RIN1: variants seen among roughly 807,000 people sequenced by gnomAD.
RIN1 encodes the protein ras inhibitor 1.
Under a neutral mutation model 64.9 loss-of-function variants are expected in RIN1, and 52 were observed. The observed-to-expected ratio is 0.80, with a 90% confidence interval of 0.64 to 1.01. RIN1 has a LOEUF of 1.01. Among genes scored for constraint, RIN1 ranks in the 50% least tolerant of loss-of-function variants. The probability of loss-of-function intolerance (pLI) is 0.00; values close to 1 mark genes in which losing one functional copy is unlikely to be tolerated. For synonymous variants in RIN1, 486 were observed against 483.6 expected, an observed-to-expected ratio of 1.00 and a Z score of -0.06; for missense variants, 1,040 against 1,064.5, an observed-to-expected ratio of 0.98 and a Z score of 0.32.
intron 6 of RIN1, 67 bp downstream of exon 6, chr11:66,334,447 G>C: frequency 6.4e-7 from 1 of 1,556,504 alleles, no homozygotes; most frequent in Non-Finnish European, 8.7e-7. Flanking sequence ...CAGACAGGCT[G>C]GCGCTGTGGA....
chr11:66,334,788 T>C lies in RIN1; in HGVS notation c.1011A>G (p.Ser337=). ...VPGSRGSPAT[S]PHLGRRRPLL... is the part of the protein sequence containing the mutation. ...GAGGTCGTCGGCGGCCCAGGTGGGG[T>C]GAGGTCGCTGGGCTCCCCCGGGACC... Residue 337 remains serine (S), a synonymous_variant, in exon 6 of 10, where the codon TCA becomes TCG. Transcript: ENST00000311320. The C allele has an allele frequency of 1.3e-6, 2 of 1,547,552 alleles. No homozygotes were observed. The highest frequency in any genetic ancestry group is 1.7e-6 in the Non-Finnish European group (2 of 1,145,876).
In RIN1 at chr11:66,332,650, C is replaced by G. The variant is rs759699907; in HGVS notation, c.1978G>C (p.Ala660Pro). ...ASIATLNQLC[A>P]TKFRVTQPNT... ...GGCTGGGTCACTCGGAACTTGGTGG[C>G]ACAGAGCTGGTTCAGGGTGGCAATC... Residue 660 changes from alanine to proline, a missense_variant, in exon 10 of 10, where the codon GCC (alanine) becomes CCC (proline). Ala to Pro is a conservative substitution (Grantham distance 27, BLOSUM62 -1). Coordinates refer to ENST00000311320, the MANE Select transcript of RIN1 (RefSeq NM_004292.3). 5.0e-6 allele frequency: 8 copies of G among 1,594,894 alleles called. No individual in the cohort carries two copies. The South Asian group carries it at 9.1e-5, about 18-fold the overall frequency.
intron 9 of RIN1, chr11:66,332,955 G>T: frequency 1.6e-6 from 1 of 612,262 alleles, no homozygotes; most frequent in Non-Finnish European, 2.9e-6. Context: ...CAGCCCAGTG[G>T]GGCGCTCACA....
At position 66,335,849 on chromosome 11, in the gene RIN1, G is replaced by T. The variant is rs576392806; in HGVS notation, c.295C>A (p.Arg99Ser). 11 of 1,587,328 alleles carry T rather than the reference G, an allele frequency of 6.9e-6. No individual in the cohort carries two copies. The highest frequency in any genetic ancestry group is 3.4e-5 in the South Asian group (3 of 87,270). ...CGCATGCACAGGGCCTGGCACTGGC[G>T]GGTGTTAGATTTCCGCACGAGGAAC... ...GTFLVRKSNT[R>S]QCQALCMRLP... The change falls in exon 3 of 10, where the codon CGC becomes AGC. Residue 99 changes from arginine (R) to serine (S), a missense_variant. Coordinates refer to ENST00000311320, the MANE Select transcript of RIN1 (RefSeq NM_004292.3).
In RIN1 at chr11:66,336,113, C is replaced by A; in HGVS notation, c.132G>T (p.Gly44=). The stretch of plus-strand genomic sequence containing the variant: ...CCGGCCGCTGCGGCCCGCCTGCCTG[C>A]CCGCCGCTGGCATTGGGCACGTCAT... ...PLYDVPNASG[G]QAGGPQRPGR... The change falls in exon 2 of 10, where the codon GGG becomes GGT. Residue 44 remains glycine, a synonymous_variant. Transcript: ENST00000311320. 2 of 1,441,876 alleles carry A rather than the reference C, an allele frequency of 1.4e-6. No individual in the cohort carries two copies. Among genetic ancestry groups the A allele is most frequent in the Non-Finnish European group, 1.8e-6 (2 of 1,099,954 alleles). 89.3% of individuals were successfully genotyped at this position (1,441,876 alleles called of 1,614,324 possible). A position where few individuals can be genotyped will look rare whatever the true frequency, so the allele number is the denominator to read the frequency against.
Position 66,335,056 on chromosome 11 carries a change from C to A in RIN1, c.743G>T (p.Arg248Leu). The A allele has an allele frequency of 6.5e-7, 1 of 1,529,692 alleles. No homozygotes were observed. The highest frequency in any genetic ancestry group is 8.8e-7 in the Non-Finnish European group (1 of 1,141,140). The allele number at this position is 1,529,692 out of a possible 1,614,324, so 94.8% of individuals were successfully genotyped here. A position where few individuals can be genotyped will look rare whatever the true frequency, so the allele number is the denominator to read the frequency against. Reference sequence around the variant, plus strand: ...GGGGCTGGAGGTCTCTGTGGACACGCGCACTTTGAAGCTTCTCTTGAATTT... The same window carrying A: ...GGGGCTGGAGGTCTCTGTGGACACGAGCACTTTGAAGCTTCTCTTGAATTT... The part of the protein sequence containing the change: ...REKFKRSFKV[R>L]VSTETSSPLS... Residue 248 changes from arginine to leucine, a missense_variant, in exon 6 of 10, where the codon CGC (arginine) becomes CTC (leucine). Arg to Leu is a moderately radical substitution (Grantham distance 102, BLOSUM62 -2). Transcript: ENST00000311320.
rs1854734308 is a variant in RIN1, at chr11:66,331,477, A to G, written c.*799T>C. On this transcript the variant is annotated 3_prime_UTR_variant, in exon 10 of 10. Transcript: ENST00000311320. The stretch of plus-strand genomic sequence containing the variant: ...TGCTGGAGGGCCTGGGAGGACTCCA[A>G]ATCTTGGGGAGAGACTGTAACTTGG... 1.3e-5 allele frequency: 2 copies of G among 152,206 alleles called. No individual in the cohort carries two copies. The highest frequency in any genetic ancestry group is 2.4e-5 in the African/African-American group (1 of 41,436). 9.4% of individuals were successfully genotyped at this position (152,206 alleles called of 1,614,324 possible). A position where few individuals can be genotyped will look rare whatever the true frequency, so the allele number is the denominator to read the frequency against.
At chr11:66,336,294 G>A (rs982688894) in intron 1 of RIN1, 23 bp downstream of exon 1, 14 of 1,591,898 alleles carry the variant, frequency 8.8e-6, no homozygotes, top group Admixed American at 1.7e-5. Flanking sequence ...GCCCCACCTG[G>A]CTGCCCTGCC....
chr11:66,336,084 C>T lies in RIN1; in HGVS notation c.161G>A (p.Arg54His), dbSNP rs1023456411. The part of the protein sequence containing the change: ...GQAGGPQRPG[R>H]VVSLRERLLL... ...CAGGCGCTCCCGCAGGCTCACAACG[C>T]GCCCCGGCCGCTGCGGCCCGCCTGC... The change falls in exon 2 of 10, where the codon CGC (arginine) becomes CAC (histidine). Residue 54 changes from arginine to histidine, a missense_variant. Physicochemically the swap from Arg to His is conservative, Grantham distance 29. Transcript: ENST00000311320. 20 of 1,455,348 alleles carry T rather than the reference C, an allele frequency of 1.4e-5. No individual in the cohort carries two copies. The highest frequency in any genetic ancestry group is 7.0e-5 in the South Asian group (5 of 71,492). 90.2% of individuals were successfully genotyped at this position (1,455,348 alleles called of 1,614,324 possible). A position where few individuals can be genotyped will look rare whatever the true frequency, so the allele number is the denominator to read the frequency against.
chr11:66,334,591 C>T lies in RIN1; in HGVS notation c.1208G>A (p.Arg403His), dbSNP rs201132980. The T allele has an allele frequency of 6.3e-5, 100 of 1,584,340 alleles. No individual in the cohort carries two copies. The East Asian group carries it at 1.5e-3, about 23-fold the overall frequency. ...GGCCCGGGCCCGGCTCAGCGCCTGA[C>T]GGATGCCCTGCAGCTCCTGGGGCTC... ...GPEPQELQGI[R>H]QALSRARAML... The change falls in exon 6 of 10, where the codon CGT becomes CAT. Residue 403 changes from arginine to histidine, a missense_variant. By Grantham distance (29) the Arg-to-His change is conservative (BLOSUM62 0). Transcript: ENST00000311320.
chr11:66,335,096 G>T lies in RIN1; in HGVS notation c.703C>A (p.Pro235Thr), dbSNP rs780603459. The change falls in exon 6 of 10, where the codon CCC becomes ACC. Residue 235 changes from proline to threonine, a missense_variant. By Grantham distance (38) the Pro-to-Thr change is conservative. Transcript: ENST00000311320. ...CTCTTGAATTTCTCCCGCTTGGTGGGCCCTAGGTCCCCCGGGAACAGGGGG... is the reference window on the plus strand; with the variant it reads ...CTCTTGAATTTCTCCCGCTTGGTGGTCCCTAGGTCCCCCGGGAACAGGGGG... Reference protein sequence around the residue: ...FNPLFPGDLGPTKREKFKRSF... With the variant: ...FNPLFPGDLGTTKREKFKRSF... The T allele has an allele frequency of 2.0e-5, 31 of 1,531,958 alleles. No homozygotes were observed. The highest frequency in any genetic ancestry group is 2.5e-5 in the Non-Finnish European group (29 of 1,142,358). The allele number at this position is 1,531,958 out of a possible 1,614,324, so 94.9% of individuals were successfully genotyped here.
Position 66,335,239 on chromosome 11 carries a change from G to C in RIN1, c.560C>G (p.Ser187Cys). Residue 187 changes from serine (S) to cysteine (C), a missense_variant, in exon 6 of 10, where the codon TCC (serine) becomes TGC (cysteine). Ser to Cys is a moderately radical substitution (Grantham distance 112, BLOSUM62 -1). Transcript: ENST00000311320. ...CCGCTGAGCCTTGATGTTGAGGGAG[G>C]AGCTCCAGAACTCTAGGGAACAAGA... is the stretch of plus-strand genomic sequence containing the variant. ...ISHLGIEFWSSSLNIKAQRGP... is the reference protein window; with the variant it reads ...ISHLGIEFWSCSLNIKAQRGP... 1.3e-6 allele frequency: 2 copies of C among 1,575,688 alleles called. No individual in the cohort carries two copies. Among genetic ancestry groups the C allele is most frequent in the Non-Finnish European group, 1.7e-6 (2 of 1,171,214 alleles).
rs755988212 is a variant in RIN1, at chr11:66,333,638, C to T, written c.1612G>A (p.Glu538Lys). 14 of 1,612,638 alleles carry T rather than the reference C, an allele frequency of 8.7e-6. No individual in the cohort carries two copies. In the East Asian group the frequency reaches 1.6e-4, roughly 18 times the overall value. The change falls in exon 8 of 10, where the codon GAG becomes AAG. Residue 538 changes from glutamate (E) to lysine (K), a missense_variant. Transcript: ENST00000311320. ...TQEGEGAGAD[E>K]FLPLLSLVLA... Reference sequence around the variant, plus strand: ...ACGAGGCTCAGCAGAGGCAGGAACTCGTCGGCACCCGCGCCCTCCCCTGTG... The same window carrying T: ...ACGAGGCTCAGCAGAGGCAGGAACTTGTCGGCACCCGCGCCCTCCCCTGTG...
chr11:66,333,240 C>A lies in RIN1; in HGVS notation c.1875+18G>T, dbSNP rs199896569. 1.2e-6 allele frequency: 2 copies of A among 1,608,062 alleles called. No homozygotes were observed. Among genetic ancestry groups the A allele is most frequent in the Non-Finnish European group, 1.7e-6 (2 of 1,179,848 alleles). On this transcript the variant is annotated intron_variant, in intron 9 of 9. Transcript: ENST00000311320. ...GGGATGGCGTCTGGCTCTGAGGACA[C>A]GGTGGAGGGCCTGTTACCTGGAAGC...
chr11:66,336,217 C>T, intron 1 of RIN1, 59 bp from the exon 2 acceptor site: 2 of 1,495,796 alleles, frequency 1.3e-6, no homozygotes, highest in Non-Finnish European at 1.8e-6. Context: ...TTGCTCTCCT[C>T]TTCCCCACTC....
Position 66,335,794 on chromosome 11 carries a change from ACGAAGGAGGGGC to A in RIN1, c.338_349del (p.Gly113_Phe116del). On this transcript the variant is annotated inframe_deletion, in exon 3 of 10. Coordinates refer to ENST00000311320, the MANE Select transcript of RIN1 (RefSeq NM_004292.3). ...GCTCTCCAGGATGTAGTGGCTGGAG[ACGAAGGAGGGGC>A]CACTGGCTTCAGGCAACCGCATGCA... 6.2e-7 allele frequency: 1 copy of A among 1,611,104 alleles called. No individual in the cohort carries two copies. Among genetic ancestry groups the A allele is most frequent in the Middle Eastern group, 1.7e-4 (1 of 6,032 alleles).
chr11:66,336,714 C>A (rs1163838512), upstream of RIN1: 2 of 361,994 alleles, frequency 5.5e-6, no homozygotes, highest in Admixed American at 4.2e-5. Context: ...GGCCTCAGTC[C>A]CCACAGGCCC....
At chr11:66,333,456 C>A in intron 8 of RIN1, 47 bp from the exon 9 acceptor site, 3 of 1,604,724 alleles carry the variant, frequency 1.9e-6, no homozygotes, top group Non-Finnish European at 2.6e-6. Context: ...GTGTGGGGCA[C>A]CCCATCCCCT....
At chr11:66,332,786 G>A in intron 9 of RIN1, 34 bp from the exon 10 acceptor site, 1 of 1,441,022 alleles carries the variant, frequency 6.9e-7, no homozygotes, top group South Asian at 1.4e-5. Context: ...CAAGTACTCA[G>A]CCCCGGCTGG....
Sources: allele counts gnomAD v4.1 joint callset, GRCh38; gene constraint gnomAD v4.1.1; transcripts MANE v1.5; gene names NCBI Gene and HGNC (gene_info 2026-07-23, HGNC 2026-07-21).